FOXP2: variants seen among roughly 807,000 people sequenced by gnomAD.
The protein encoded by FOXP2 is forkhead box P2, also known as forkhead box protein P2.
In FOXP2, 12 loss-of-function variants were observed where a neutral mutation model predicts 115.8. The ratio of observed to expected loss-of-function variants is 0.10; its 90% CI spans 0.07 to 0.17. The LOEUF is 0.17. Ranked by LOEUF, FOXP2 falls within the 10% of genes least tolerant of loss-of-function variation. The pLI is 1.00. For synonymous variants in FOXP2, 328 were observed against 297.7 expected, an observed-to-expected ratio of 1.10 and a Z score of -1.05; for missense variants, 629 against 843.5, an observed-to-expected ratio of 0.75 and a Z score of 3.15.
chr7:114,472,741 A>G (rs1053981265), intron 2 of FOXP2, among the ~76,000 whole-genome samples: 5 of 152,208 alleles, frequency 3.3e-5, no homozygotes, highest in Non-Finnish European at 7.3e-5. Flanking sequence ...TTTAAGATTT[A>G]GTTCAGATAA....
intron 1 of FOXP2, among the ~76,000 whole-genome samples, chr7:114,176,937 A>G (rs190352745): frequency 6.6e-6 from 1 of 152,122 alleles, no homozygotes; most frequent in African/African-American, 2.4e-5. Flanking sequence ...AACTTTATAC[A>G]AATGGTATCA....
At chr7:114,200,712 A>G (rs565045030) in intron 1 of FOXP2, among the ~76,000 whole-genome samples, 2 of 152,306 alleles carry the variant, frequency 1.3e-5, no homozygotes, top group South Asian at 4.1e-4. Flanking sequence ...CTCTAACTTC[A>G]CTTAAATTTT....
At chr7:114,284,219 T>G (rs1021945610) in intron 1 of FOXP2, among the ~76,000 whole-genome samples, 2 of 152,012 alleles carry the variant, frequency 1.3e-5, no homozygotes, top group African/African-American at 4.8e-5. Flanking sequence ...GTTATCTGAC[T>G]GCCTAAGCTT....
At chr7:114,450,556 A>C (rs1562933789) in intron 2 of FOXP2, among the ~76,000 whole-genome samples, 1 of 152,118 alleles carries the variant, frequency 6.6e-6, no homozygotes, top group Non-Finnish European at 1.5e-5. Context: ...GACAGGTGTC[A>C]GGGGTCTTTT....
chr7:114,468,417 A>T (rs945870848), intron 2 of FOXP2, among the ~76,000 whole-genome samples: 2 of 152,100 alleles, frequency 1.3e-5, no homozygotes, highest in Non-Finnish European at 2.9e-5. Flanking sequence ...TATTACCTTC[A>T]GGATAAAATC....
intron 7 of FOXP2, among the ~76,000 whole-genome samples, chr7:114,644,277 A>G (rs986424313): frequency 3.3e-5 from 5 of 152,228 alleles, no homozygotes; most frequent in Admixed American, 2.0e-4. Context: ...CTAGAGGTCC[A>G]TATCTTCTTT....
chr7:114,297,900 T>C (rs1796782044), intron 2 of FOXP2, among the ~76,000 whole-genome samples: 1 of 152,204 alleles, frequency 6.6e-6, no homozygotes, highest in African/African-American at 2.4e-5. Flanking sequence ...AAAATAATGC[T>C]GTATTTTTAG....
chr7:114,668,210 G>A (rs1432930933), intron 16 of FOXP2: 1 of 151,922 alleles, frequency 6.6e-6, no homozygotes, highest in Non-Finnish European at 1.5e-5. Flanking sequence ...AATTCTACGT[G>A]GTAGAATATG....
upstream of FOXP2, among the ~76,000 whole-genome samples, chr7:114,159,913 A>G (rs1450441466): frequency 6.6e-6 from 1 of 152,208 alleles, no homozygotes; most frequent in Non-Finnish European, 1.5e-5. Flanking sequence ...TCAACAAACT[A>G]TAGACAGCTG....
Position 114,329,688 on chromosome 7 carries a change from A to T in FOXP2, c.-11+41579A>T, listed in dbSNP as rs1797650413. Among the ~76,000 whole-genome samples the T allele has an allele frequency of 4.1e-5, 4 of 98,574 alleles. No individual in the cohort carries two copies. In the Admixed American group the frequency reaches 4.4e-4, roughly 11 times the overall value. 64.7% of individuals were successfully genotyped at this position (98,574 alleles called of 152,430 possible). On this transcript the variant is annotated intron_variant, in intron 2 of 17. Coordinates refer to the FOXP2 transcript ENST00000634411. Reference sequence around the variant, plus strand: ...TATTTATTTATTTATTTATTTATTTATTTTATGAGATGCAGTCTTGCTCTG... The same window carrying T: ...TATTTATTTATTTATTTATTTATTTTTTTTATGAGATGCAGTCTTGCTCTG...
At chr7:114,674,481 A>T (rs1807655903) in intron 16 of FOXP2, among the ~76,000 whole-genome samples, 1 of 152,228 alleles carries the variant, frequency 6.6e-6, no homozygotes, top group Admixed American at 6.5e-5. Flanking sequence ...TGATAGTCTG[A>T]GTACTGTCCT....
At chr7:114,342,923 GAAGAA>G (rs1303393928) in intron 2 of FOXP2, among the ~76,000 whole-genome samples, 2 of 151,512 alleles carry the variant, frequency 1.3e-5, no homozygotes, top group African/African-American at 2.4e-5. Flanking sequence ...ACTCTTTAGA[GAAGAA>G]ATGTTCAGAA....
chr7:114,365,732 C>T (rs981140123), intron 2 of FOXP2, among the ~76,000 whole-genome samples: 1 of 151,906 alleles, frequency 6.6e-6, no homozygotes, highest in East Asian at 1.9e-4. Context: ...TGATAGCAAC[C>T]GTAATGTAGA....
At chr7:114,573,635 G>A (rs1801430509) in intron 3 of FOXP2, among the ~76,000 whole-genome samples, 1 of 151,646 alleles carries the variant, frequency 6.6e-6, no homozygotes, top group Admixed American at 6.6e-5. Context: ...TTATTTCTGT[G>A]GTTGATCAGC....
chr7:114,101,832 C>A (rs1189669462), intron 1 of FOXP2, among the ~76,000 whole-genome samples: 3 of 150,990 alleles, frequency 2.0e-5, no homozygotes, highest in African/African-American at 7.3e-5. Flanking sequence ...ACTCATTGTC[C>A]TCATTAATTT....
intron 1 of FOXP2, among the ~76,000 whole-genome samples, chr7:114,234,526 G>A (rs985923788): frequency 1.3e-5 from 2 of 152,192 alleles, no homozygotes; most frequent in Non-Finnish European, 2.9e-5. Context: ...ATCAATAGCA[G>A]ATTTTAACCC....
chr7:114,675,569 G>A (rs1278155125), intron 16 of FOXP2, among the ~76,000 whole-genome samples: 2 of 152,110 alleles, frequency 1.3e-5, no homozygotes, highest in African/African-American at 2.4e-5. Flanking sequence ...ATTCAATCAC[G>A]TATGAAATTG....
chr7:114,256,349 C>T lies in FOXP2; in HGVS notation c.-101-31670C>T, dbSNP rs556319150. ...CTCAAACTCCCAACCTCAGGTGATC[C>T]GCCCACCTTGGCCTCCCAAAGTGCT... is the stretch of plus-strand genomic sequence containing the variant. On this transcript the variant is annotated intron_variant, in intron 1 of 17. Transcript: ENST00000634411. Among the ~76,000 whole-genome samples the T allele has an allele frequency of 2.2e-3, 329 of 152,212 alleles. 4 individuals are homozygous for T. Among genetic ancestry groups the T allele is most frequent in the African/African-American group, 7.6e-3 (316 of 41,528 alleles).
At chr7:114,237,083 C>G (rs944659387) in intron 1 of FOXP2, among the ~76,000 whole-genome samples, 1 of 152,012 alleles carries the variant, frequency 6.6e-6, no homozygotes, top group Non-Finnish European at 1.5e-5. Flanking sequence ...ACATGTACTG[C>G]TTATTTGTGT....
Sources: allele counts gnomAD v4.1 joint callset (sites outside exome capture counted in the v4.1 genomes callset), GRCh38; gene constraint gnomAD v4.1.1; transcripts MANE v1.5; gene names NCBI Gene and HGNC (gene_info 2026-07-23, HGNC 2026-07-21).